The following SYTL1 variants were observed in gnomAD, a reference collection of about 807,000 sequenced individuals.
The protein encoded by SYTL1 is synaptotagmin-like protein 1.
A neutral mutation model predicts 74.6 loss-of-function variants in SYTL1; 53 were observed. The observed-to-expected ratio is 0.71, with a 90% CI of 0.57 to 0.89. The LOEUF is 0.89. SYTL1 is among the 40% of genes least tolerant of loss of function. SYTL1 has a pLI of 0.00. For missense variants in SYTL1, 728 were observed against 768.7 expected (o/e 0.95, Z 0.63); for synonymous variants, 329 against 324.9 (o/e 1.01, Z -0.14).
intron 2 of SYTL1, among the ~76,000 whole-genome samples, chr1:27,346,120 C>A (rs541269487): frequency 1.3e-5 from 2 of 152,222 alleles, no homozygotes; most frequent in East Asian, 3.9e-4. Flanking sequence ...CTTCCCCTGG[C>A]TCCCCAGTAT....
rs759044527 is a variant in SYTL1, at chr1:27,345,358, G to A, written c.24G>A (p.Ser8=). MPQRGHP[S]QEGLWALPSL... ...TGATGCCCCAGAGGGGCCACCCATC[G>A]CAAGAGGGGCTTTGGGCTCTGCCCT... The change falls in exon 2 of 15, where the codon TCG becomes TCA. Residue 8 remains serine (S), a synonymous_variant. Coordinates refer to ENST00000616558, the MANE Select transcript of SYTL1 (RefSeq NM_001193308.2). This position sits in a 1 kb window ranked among gnomAD's most constrained non-coding sequence, Gnocchi z 6.0. The A allele has an allele frequency of 4.7e-5, 73 of 1,537,602 alleles. No individual in the cohort carries two copies. Among genetic ancestry groups the A allele is most frequent in the Admixed American group, 6.2e-5 (3 of 48,740 alleles).
rs1300617850 is a variant in SYTL1 at position 27,342,078 on chromosome 1, G to C, written c.-111G>C. ...CTTCTTCCCTCACGGCTCTTCTCCC[G>C]GTCCCTGAAACTCGGCTGCCAGGGG... On this transcript the variant is annotated 5_prime_UTR_variant, in exon 1 of 15. Coordinates refer to ENST00000616558, the MANE Select transcript of SYTL1 (RefSeq NM_001193308.2). The surrounding 1 kb of genome is among the most constrained non-coding windows in gnomAD (Gnocchi z 4.7). 1 of 152,332 alleles carries C rather than the reference G, an allele frequency of 6.6e-6. No homozygotes were observed. 9.4% of individuals were successfully genotyped at this position (152,332 alleles called of 1,614,324 possible).
chr1:27,351,726 A>T lies in SYTL1; in HGVS notation c.1343+171A>T. The T allele has an allele frequency of 1.9e-6, 1 of 527,312 alleles. No individual in the cohort carries two copies. The highest frequency in any genetic ancestry group is 3.3e-6 in the Non-Finnish European group (1 of 301,194). The allele number at this position is 527,312 out of a possible 1,614,324, so 32.7% of individuals were successfully genotyped here. On this transcript the variant is annotated intron_variant, in intron 13 of 14. Coordinates refer to ENST00000616558, the MANE Select transcript of SYTL1 (RefSeq NM_001193308.2). This position sits in a 1 kb window ranked among gnomAD's most constrained non-coding sequence, Gnocchi z 5.0. ...GCCTGGAGTCAGGGAAGTTGAGGAC[A>T]CCTTTGAGGAGCTGCATTTCAGCGT... is the stretch of plus-strand genomic sequence containing the variant.
rs1033408672 is a variant in SYTL1, at chr1:27,348,804, A to G, written c.460-276A>G. Among the ~76,000 whole-genome samples, 1 of 152,228 alleles carries G rather than the reference A, an allele frequency of 6.6e-6. No individual in the cohort carries two copies. The highest frequency in any genetic ancestry group is 1.5e-5 in the Non-Finnish European group (1 of 68,050). On this transcript the variant is annotated intron_variant, in intron 5 of 14. Coordinates refer to ENST00000616558, the MANE Select transcript of SYTL1 (RefSeq NM_001193308.2). This position sits in a 1 kb window ranked among gnomAD's most constrained non-coding sequence, Gnocchi z 4.1. ...AAAATAAAAAAAGGAGTGAGAAAGG[A>G]ATGGGACTGGCCTGGCCTGGCAGAG...
intron 7 of SYTL1, 49 bp downstream of exon 7, chr1:27,349,547 G>C (rs757249012): frequency 1.2e-5 from 17 of 1,468,384 alleles, no homozygotes; most frequent in Admixed American, 7.5e-5. Flanking sequence ...AGCGGACTCC[G>C]GGCGGGGAGC....
At position 27,345,164 on chromosome 1, in the gene SYTL1, A is replaced by AC. The variant is rs1461702853; in HGVS notation, c.-38-131dup. The AC allele has an allele frequency of 1.9e-6, 1 of 532,548 alleles. No homozygotes were observed. The highest frequency in any genetic ancestry group is 3.3e-6 in the Non-Finnish European group (1 of 303,080). 33.0% of individuals were successfully genotyped at this position (532,548 alleles called of 1,614,324 possible). A position where few individuals can be genotyped will look rare whatever the true frequency, so the allele number is the denominator to read the frequency against. Reference sequence around the variant, plus strand: ...TGTGTGCATGAGTGTCTCTCACCCCACCTTGAGCTCAGCCATCCTGGGGTG... The same window carrying AC: ...TGTGTGCATGAGTGTCTCTCACCCCACCCTTGAGCTCAGCCATCCTGGGGTG... On this transcript the variant is annotated intron_variant, in intron 1 of 14. Transcript: ENST00000616558. The surrounding 1 kb of genome is among the most constrained non-coding windows in gnomAD (Gnocchi z 6.0).
In SYTL1 at chr1:27,350,757, C is replaced by G. The variant is rs377049872; in HGVS notation, c.1006-37C>G. On this transcript the variant is annotated intron_variant, in intron 10 of 14. Coordinates refer to ENST00000616558, the MANE Select transcript of SYTL1 (RefSeq NM_001193308.2). The surrounding 1 kb of genome is among the most constrained non-coding windows in gnomAD (Gnocchi z 6.3). ...CTCGCGCAGCATCTACGCGGGCCAC[C>G]AGCAGTGCTCCACTAAAGCTCACCT... 3.7e-6 allele frequency: 6 copies of G among 1,605,704 alleles called. No individual in the cohort carries two copies. Among genetic ancestry groups the G allele is most frequent in the Non-Finnish European group, 5.1e-6 (6 of 1,174,016 alleles).
At position 27,353,776 on chromosome 1, in the gene SYTL1, A is replaced by G; in HGVS notation, c.1613A>G (p.Gln538Arg). 1 of 1,614,048 alleles carries G rather than the reference A, an allele frequency of 6.2e-7. No individual in the cohort carries two copies. The highest frequency in any genetic ancestry group is 1.3e-5 in the African/African-American group (1 of 75,026). Reference sequence around the variant, plus strand: ...ACACCTGAGGAGAAGCAGCTGTGGCAAGCCCTCCTGGAGCAGCCGTGCGAA... The same window carrying G: ...ACACCTGAGGAGAAGCAGCTGTGGCGAGCCCTCCTGGAGCAGCCGTGCGAA... ...DSTPEEKQLW[Q>R]ALLEQPCEWV... is the part of the protein sequence containing the mutation. The change falls in exon 15 of 15, where the codon CAA becomes CGA. Residue 538 changes from glutamine to arginine, a missense_variant. By Grantham distance (43) the Gln-to-Arg change is conservative. Coordinates refer to ENST00000616558, the MANE Select transcript of SYTL1 (RefSeq NM_001193308.2).
Position 27,353,758 on chromosome 1 carries a change from A to C in SYTL1, c.1595A>C (p.Glu532Ala). 1.2e-6 allele frequency: 2 copies of C among 1,614,030 alleles called. No homozygotes were observed. The highest frequency in any genetic ancestry group is 8.5e-7 in the Non-Finnish European group (1 of 1,179,970). The change falls in exon 15 of 15, where the codon GAG (glutamate) becomes GCG (alanine). Residue 532 changes from glutamate to alanine, a missense_variant. Physicochemically the swap from Glu to Ala is moderately radical, Grantham distance 107. Transcript: ENST00000616558. ...GTGCCCTGGATGGATTCCACACCTG[A>C]GGAGAAGCAGCTGTGGCAAGCCCTC... Reference protein sequence around the residue: ...LQVPWMDSTPEEKQLWQALLE... With the variant: ...LQVPWMDSTPAEKQLWQALLE...
rs1463012576 is a variant in SYTL1, at chr1:27,343,409, C to G, written c.-39+1259C>G. 6.6e-6 allele frequency: 1 copy of G among 152,418 alleles called. No homozygotes were observed. The highest frequency in any genetic ancestry group is 1.5e-5 in the Non-Finnish European group (1 of 68,226). The allele number at this position is 152,418 out of a possible 1,614,324, so 9.4% of individuals were successfully genotyped here. On this transcript the variant is annotated intron_variant, in intron 1 of 14. Transcript: ENST00000616558. This position sits in a 1 kb window ranked among gnomAD's most constrained non-coding sequence, Gnocchi z 5.2. ...AGGGCAGGGCTGGCGGCGGGGGCAT[C>G]CCTGGGTTGGAGGCCTCCGTGGGAG...
rs1438325611 is a variant in SYTL1 at position 27,348,482 on chromosome 1, G to A, written c.459+470G>A. On this transcript the variant is annotated intron_variant, in intron 5 of 14. Coordinates refer to ENST00000616558, the MANE Select transcript of SYTL1 (RefSeq NM_001193308.2). This position sits in a 1 kb window ranked among gnomAD's most constrained non-coding sequence, Gnocchi z 4.1. ...TATAATCCCAGCACTTTGGGAAGCC[G>A]AGATCACCTGAGGTCAGGAGCTCAA... is the stretch of plus-strand genomic sequence containing the variant. Among the ~76,000 whole-genome samples the A allele has an allele frequency of 2.0e-5, 3 of 151,856 alleles. No individual in the cohort carries two copies. Among genetic ancestry groups the A allele is most frequent in the Non-Finnish European group, 2.9e-5 (2 of 67,952 alleles).
At chr1:27,353,190 A>C in intron 13 of SYTL1, 93 bp from the exon 14 acceptor site, 1 of 1,293,868 alleles carries the variant, frequency 7.7e-7, no homozygotes, top group Non-Finnish European at 1.1e-6. Context: ...GGGGACATGG[A>C]CATATGTGAG....
In SYTL1 at chr1:27,347,047, G is replaced by C. The variant is rs916014646; in HGVS notation, c.192-374G>C. 6.6e-6 allele frequency among the ~76,000 whole-genome samples: 1 copy of C among 151,842 alleles called. No individual in the cohort carries two copies. Among genetic ancestry groups the C allele is most frequent in the African/African-American group, 2.4e-5 (1 of 41,328 alleles). On this transcript the variant is annotated intron_variant, in intron 2 of 14. Coordinates refer to ENST00000616558, the MANE Select transcript of SYTL1 (RefSeq NM_001193308.2). The surrounding 1 kb of genome is among the most constrained non-coding windows in gnomAD (Gnocchi z 4.9). ...TGAGGTGGGAGGATCACTTGAGCCT[G>C]GAAGGTGAAGGTTGCAGTGAGCTGA...
In SYTL1 at chr1:27,343,603, CGTGT is replaced by C. The variant is rs146612829; in HGVS notation, c.-39+1466_-39+1469del. ...GAGTGAGCAGATGTGTGTGTGTGTACGTGTGTGTGTGTGTGTATCTGTCTGTCTA... is the reference window on the plus strand; with the variant it reads ...GAGTGAGCAGATGTGTGTGTGTGTACGTGTGTGTGTGTATCTGTCTGTCTA... On this transcript the variant is annotated intron_variant, in intron 1 of 14. Coordinates refer to ENST00000616558, the MANE Select transcript of SYTL1 (RefSeq NM_001193308.2). The surrounding 1 kb of genome is among the most constrained non-coding windows in gnomAD (Gnocchi z 5.2). Among the ~76,000 whole-genome samples the C allele has an allele frequency of 2.0e-5, 3 of 147,268 alleles. No homozygotes were observed. Among genetic ancestry groups the C allele is most frequent in the Non-Finnish European group, 3.0e-5 (2 of 66,026 alleles).
chr1:27,342,174 C>T lies in SYTL1; in HGVS notation c.-39+24C>T. On this transcript the variant is annotated intron_variant, in intron 1 of 14. Coordinates refer to ENST00000616558, the MANE Select transcript of SYTL1 (RefSeq NM_001193308.2). The surrounding 1 kb of genome is among the most constrained non-coding windows in gnomAD (Gnocchi z 4.7). The stretch of plus-strand genomic sequence containing the variant: ...AGGTAACACGTGTCGGTGCCAGGGT[C>T]CCCTGCCAGGGTCCAGAGACGCAGG... 1.1e-5 allele frequency: 2 copies of T among 182,134 alleles called. No homozygotes were observed. Among genetic ancestry groups the T allele is most frequent in the Non-Finnish European group, 2.1e-5 (2 of 95,368 alleles). 11.3% of individuals were successfully genotyped at this position (182,134 alleles called of 1,614,324 possible). A position where few individuals can be genotyped will look rare whatever the true frequency, so the allele number is the denominator to read the frequency against.
Position 27,350,200 on chromosome 1 carries a change from C to T in SYTL1, c.908+68C>T, listed in dbSNP as rs1168230872. ...CAGCCCACCATTCACAGGGTCTCGG[C>T]CTCCTCGTCCTCATCTTCAAAATGG... On this transcript the variant is annotated intron_variant, in intron 9 of 14. Coordinates refer to ENST00000616558, the MANE Select transcript of SYTL1 (RefSeq NM_001193308.2). This position sits in a 1 kb window ranked among gnomAD's most constrained non-coding sequence, Gnocchi z 6.3. 6.8e-7 allele frequency: 1 copy of T among 1,467,478 alleles called. No homozygotes were observed. Among genetic ancestry groups the T allele is most frequent in the East Asian group, 2.5e-5 (1 of 39,854 alleles). 90.9% of individuals were successfully genotyped at this position (1,467,478 alleles called of 1,614,324 possible).
In SYTL1 at chr1:27,349,151, A is replaced by C; in HGVS notation, c.531A>C (p.Glu177Asp). ...CTGAGGAGGCGTCCCAGGCCCAGGA[A>C]GGTGAGTGGGAGCGCCTGTTGGGGA... Reference protein sequence around the residue: ...SDPEEASQAQEDPGQGDQQVC... With the variant: ...SDPEEASQAQDDPGQGDQQVC... Residue 177 changes from glutamate to aspartate, a missense_variant and splice_region_variant, in exon 6 of 15, where the codon GAA (glutamate) becomes GAC (aspartate). Glu to Asp is a conservative substitution (Grantham distance 45, BLOSUM62 2). Coordinates refer to ENST00000616558, the MANE Select transcript of SYTL1 (RefSeq NM_001193308.2). 6.2e-7 allele frequency: 1 copy of C among 1,613,496 alleles called. No individual in the cohort carries two copies. Among genetic ancestry groups the C allele is most frequent in the South Asian group, 1.1e-5 (1 of 91,064 alleles).
Position 27,350,904 on chromosome 1 carries a change from C to A in SYTL1, c.1116C>A (p.Asp372Glu), listed in dbSNP as rs753580929. 8 of 1,613,668 alleles carry A rather than the reference C, an allele frequency of 5.0e-6. No homozygotes were observed. Among genetic ancestry groups the A allele is most frequent in the Non-Finnish European group, 6.8e-6 (8 of 1,179,980 alleles). Residue 372 changes from aspartate to glutamate, a missense_variant, in exon 11 of 15, where the codon GAC (aspartate) becomes GAA (glutamate). Asp to Glu is a conservative substitution (Grantham distance 45, BLOSUM62 2). Transcript: ENST00000616558. The surrounding 1 kb of genome is among the most constrained non-coding windows in gnomAD (Gnocchi z 6.3). ...TGGGCGAAGTTGAAGTGCCCCTGGA[C>A]ACGTGGGACTGGGGCTCTGAGCCCA... ...IFLGEVEVPL[D>E]TWDWGSEPTW...
chr1:27,353,307 G>C lies in SYTL1; in HGVS notation c.1368G>C (p.Gln456His). 1 of 1,601,526 alleles carries C rather than the reference G, an allele frequency of 6.2e-7. No individual in the cohort carries two copies. The highest frequency in any genetic ancestry group is 8.5e-7 in the Non-Finnish European group (1 of 1,174,540). The part of the protein sequence containing the change: ...VQCFVLPDDS[Q>H]ASRQRTRVVR... The stretch of plus-strand genomic sequence containing the variant: ...GCTTCGTGCTGCCTGATGACAGCCA[G>C]GCCAGCCGCCAGCGTACAAGGGTTG... Residue 456 changes from glutamine to histidine, a missense_variant, in exon 14 of 15, where the codon CAG becomes CAC. Gln to His is a conservative substitution (Grantham distance 24). Coordinates refer to ENST00000616558, the MANE Select transcript of SYTL1 (RefSeq NM_001193308.2).
Sources: allele counts gnomAD v4.1 joint callset (sites outside exome capture counted in the v4.1 genomes callset), GRCh38; gene constraint gnomAD v4.1.1; non-coding constraint Gnocchi (gnomAD v3.1); transcripts MANE v1.5; gene names NCBI Gene and HGNC (gene_info 2026-07-23, HGNC 2026-07-21).